QTMAN: variants seen among roughly 807,000 people sequenced by gnomAD.
QTMAN encodes the protein tRNA-queuosine alpha-mannosyltransferase.
chr2:144,177,343 A>G, the QTMAN span: 2 of 595,524 alleles, frequency 3.4e-6, no homozygotes, highest in Non-Finnish European at 6.0e-6. Context: ...ACAATAGCCA[A>G]GTAAACTCTG....
chr2:144,192,306 C>T, the QTMAN span, among the ~76,000 whole-genome samples: 1 of 152,002 alleles, frequency 6.6e-6, no homozygotes, highest in Admixed American at 6.6e-5. Flanking sequence ...AGGGTTTTGT[C>T]ATGTTGGCCA....
the QTMAN span, among the ~76,000 whole-genome samples, chr2:144,059,628 T>C: frequency 1.3e-5 from 2 of 152,220 alleles, no homozygotes; most frequent in East Asian, 3.9e-4. Flanking sequence ...AATCAAATCA[T>C]GCCTCACCCC....
the QTMAN span, among the ~76,000 whole-genome samples, chr2:144,208,152 A>G: frequency 6.6e-6 from 1 of 152,134 alleles, no homozygotes; most frequent in African/African-American, 2.4e-5. Context: ...AGCCACTTCC[A>G]GTTTGTCACA....
chr2:144,063,918 T>C, the QTMAN span, among the ~76,000 whole-genome samples: 1 of 152,194 alleles, frequency 6.6e-6, no homozygotes, highest in Non-Finnish European at 1.5e-5. Context: ...CAAGTGTCAT[T>C]ATTGTTGTAA....
the QTMAN span, among the ~76,000 whole-genome samples, chr2:144,294,808 T>G: frequency 2.6e-5 from 4 of 152,044 alleles, no homozygotes; most frequent in Non-Finnish European, 5.9e-5. Context: ...AAGAAAGAAC[T>G]CTCCATTGCT....
the QTMAN span, among the ~76,000 whole-genome samples, chr2:143,983,157 T>G: frequency 6.6e-6 from 1 of 152,182 alleles, no homozygotes; most frequent in Non-Finnish European, 1.5e-5. Flanking sequence ...GAGGGCAAAC[T>G]ACCAAATCAG....
chr2:144,025,505 C>T, the QTMAN span, among the ~76,000 whole-genome samples: 2 of 152,100 alleles, frequency 1.3e-5, no homozygotes, highest in Non-Finnish European at 2.9e-5. Context: ...TTCCTGTGGG[C>T]CTAGTGGTGC....
the QTMAN span, among the ~76,000 whole-genome samples, chr2:144,156,323 G>C: frequency 2.5e-4 from 38 of 152,098 alleles, no homozygotes; most frequent in African/African-American, 9.2e-4. Context: ...TTAATTACAA[G>C]GGTACCACTG....
At chr2:144,322,750 T>C in the QTMAN span, among the ~76,000 whole-genome samples, 1 of 152,202 alleles carries the variant, frequency 6.6e-6, no homozygotes, top group African/African-American at 2.4e-5. Context: ...TGGAATCTCA[T>C]ATATATGAAC....
chr2:144,277,669 A>C, the QTMAN span, among the ~76,000 whole-genome samples: 1 of 151,770 alleles, frequency 6.6e-6, no homozygotes, highest in African/African-American at 2.4e-5. Flanking sequence ...TTTTTTCTTT[A>C]CTATAGAACT....
the QTMAN span, among the ~76,000 whole-genome samples, chr2:144,226,750 G>T: frequency 1.3e-5 from 2 of 152,154 alleles, no homozygotes; most frequent in African/African-American, 2.4e-5. Flanking sequence ...TATAGGGGAT[G>T]TTGTATGGGA....
the QTMAN span, among the ~76,000 whole-genome samples, chr2:144,191,962 C>T: frequency 6.6e-6 from 1 of 152,048 alleles, no homozygotes. Context: ...AACGTAAAAA[C>T]ATTATTAACA....
chr2:144,108,727 A>T, the QTMAN span, among the ~76,000 whole-genome samples: 1 of 152,140 alleles, frequency 6.6e-6, no homozygotes, highest in Non-Finnish European at 1.5e-5. Context: ...CAGGATACAA[A>T]ATCAATGTGC....
the QTMAN span, among the ~76,000 whole-genome samples, chr2:144,272,248 G>A: frequency 1.4e-4 from 21 of 152,134 alleles, no homozygotes; most frequent in East Asian, 2.7e-3. Context: ...TGCATCTATT[G>A]TATAAAGTTA....
chr2:144,153,883 T>C, the QTMAN span, among the ~76,000 whole-genome samples: 1 of 152,162 alleles, frequency 6.6e-6, no homozygotes, highest in East Asian at 1.9e-4. Context: ...CCCTAAGAGA[T>C]ACGACTTATT....
chr2:144,237,256 A>C, the QTMAN span: 1 of 152,170 alleles, frequency 6.6e-6, no homozygotes, highest in Non-Finnish European at 1.5e-5. Flanking sequence ...AGCATGTCAC[A>C]GAAATCTTCA....
the QTMAN span, among the ~76,000 whole-genome samples, chr2:143,958,271 A>G: frequency 1.3e-5 from 2 of 152,126 alleles, no homozygotes; most frequent in African/African-American, 4.8e-5. Flanking sequence ...ATTTTTTCAT[A>G]TCCTGAAAAT....
chr2:144,258,226 A>C, the QTMAN span, among the ~76,000 whole-genome samples: 9 of 151,604 alleles, frequency 5.9e-5, no homozygotes, highest in African/African-American at 2.2e-4. Flanking sequence ...TCTTGCAAAA[A>C]AAAAACAAAA....
chr2:144,247,480 T>C, the QTMAN span, among the ~76,000 whole-genome samples: 1 of 152,152 alleles, frequency 6.6e-6, no homozygotes, highest in Non-Finnish European at 1.5e-5. Flanking sequence ...AATCTAACTA[T>C]ACTGGGAATG....
Sources: allele counts gnomAD v4.1 joint callset (sites outside exome capture counted in the v4.1 genomes callset), GRCh38; gene constraint gnomAD v4.1.1; transcripts MANE v1.5; gene names NCBI Gene and HGNC (gene_info 2026-07-23, HGNC 2026-07-21).